The following ERG variants were observed in gnomAD, a reference collection of about 807,000 sequenced individuals.
ERG encodes ETS transcription factor ERG, also known as transcriptional regulator ERG.
Under a neutral mutation model 55.3 loss-of-function variants are expected in ERG, and 9 were observed. That is an observed-to-expected ratio of 0.16 (90% CI 0.10 to 0.28). ERG has a LOEUF of 0.28. ERG is among the 10% of genes least tolerant of loss of function. ERG has a pLI of 1.00. For synonymous variants in ERG, 223 were observed against 237.3 expected, an observed-to-expected ratio of 0.94 and a Z score of 0.55; for missense variants, 434 against 631.6, an observed-to-expected ratio of 0.69 and a Z score of 3.35.
intron 4 of ERG, 144 bp downstream of exon 4, chr21:38,403,362 C>G: frequency 2.6e-6 from 2 of 755,846 alleles, no homozygotes; most frequent in East Asian, 2.7e-5. Context: ...CATCACATAC[C>G]AAGCATGTGG....
At chr21:38,459,883 T>C (rs2059025015) in intron 1 of ERG, among the ~76,000 whole-genome samples, 1 of 152,208 alleles carries the variant, frequency 6.6e-6, no homozygotes, top group Non-Finnish European at 1.5e-5. Context: ...CAGATAATTT[T>C]TGAAAATCAA....
upstream of ERG, among the ~76,000 whole-genome samples, chr21:38,586,900 C>T (rs182041875): frequency 4.0e-3 from 602 of 152,264 alleles, no homozygotes; most frequent in Non-Finnish European, 6.5e-3. Flanking sequence ...AAGTGTCCAT[C>T]AACATAAACG....
At chr21:38,475,615 G>A (rs1368769503) in intron 1 of ERG, among the ~76,000 whole-genome samples, 2 of 152,104 alleles carry the variant, frequency 1.3e-5, no homozygotes, top group African/African-American at 4.8e-5. Flanking sequence ...CTTTTCTTTG[G>A]GTCTCTGTCT....
intron 2 of ERG, among the ~76,000 whole-genome samples, chr21:38,506,474 G>T: frequency 6.6e-6 from 1 of 152,128 alleles, no homozygotes; most frequent in Middle Eastern, 3.2e-3. Flanking sequence ...TTTGGAATAT[G>T]CATGGAGTAT....
chr21:38,524,221 T>C (rs1568881585), intron 2 of ERG, among the ~76,000 whole-genome samples: 1 of 152,204 alleles, frequency 6.6e-6, no homozygotes. Context: ...TGAGCTCACA[T>C]TTAATTACAG....
intron 1 of ERG, among the ~76,000 whole-genome samples, chr21:38,621,173 A>G (rs2060288040): frequency 6.6e-6 from 1 of 152,192 alleles, no homozygotes; most frequent in Admixed American, 6.5e-5. Flanking sequence ...TCACTTAGGA[A>G]GCAACAGACT....
At chr21:38,656,159 G>A (rs531070375) in intron 1 of ERG, among the ~76,000 whole-genome samples, 1 of 152,236 alleles carries the variant, frequency 6.6e-6, no homozygotes, top group Admixed American at 6.5e-5. Context: ...AGGGCAGAGA[G>A]GTTCAGGCTC....
chr21:38,550,382 A>G (rs2059816447), intron 2 of ERG, among the ~76,000 whole-genome samples: 1 of 152,250 alleles, frequency 6.6e-6, no homozygotes, highest in East Asian at 1.9e-4. Context: ...TGTGCCCCCA[A>G]AATTCATGGG....
At chr21:38,649,082 A>G (rs2060473583) in intron 1 of ERG, among the ~76,000 whole-genome samples, 1 of 152,190 alleles carries the variant, frequency 6.6e-6, no homozygotes, top group African/African-American at 2.4e-5. Context: ...GTTCAGCCCA[A>G]AGGAAAAAAT....
chr21:38,614,878 C>T (rs2060249637), intron 1 of ERG, among the ~76,000 whole-genome samples: 1 of 152,236 alleles, frequency 6.6e-6, no homozygotes, highest in South Asian at 2.1e-4. Context: ...GGATGAGATT[C>T]CTGGGACAGG....
In ERG at chr21:38,636,143, C is replaced by G. The variant is rs146150025; in HGVS notation, c.-150+25515G>C. Reference sequence around the variant, plus strand: ...TTTCCCCCTATTGATCAGCATTTCTCCTTCCTGCTGCCATGTGAAGAAGGA... The same window carrying G: ...TTTCCCCCTATTGATCAGCATTTCTGCTTCCTGCTGCCATGTGAAGAAGGA... On this transcript the variant is annotated intron_variant, in intron 1 of 10. Transcript: ENST00000398910. Among the ~76,000 whole-genome samples the G allele has an allele frequency of 6.1e-3, 926 of 152,314 alleles. 2 individuals are homozygous for G. The highest frequency in any genetic ancestry group is 0.011 in the Non-Finnish European group (762 of 68,036).
intron 1 of ERG, among the ~76,000 whole-genome samples, chr21:38,480,963 T>C (rs537116570): frequency 9.9e-4 from 151 of 152,290 alleles, no homozygotes; most frequent in African/African-American, 3.4e-3. Context: ...CCTGCTAACA[T>C]TTGTGGGCAA....
In ERG at chr21:38,548,655, C is replaced by T. The variant is rs573640175; in HGVS notation, c.-41+27007G>A. ...TTTTTTTTGCATTTTTAGTAAAGAC[C>T]ACGTTTGACCGTGTTAGCCAGGATG... On this transcript the variant is annotated intron_variant, in intron 2 of 8. Transcript: ENST00000398897. Among the ~76,000 whole-genome samples the T allele has an allele frequency of 9.8e-5, 14 of 142,318 alleles. No individual in the cohort carries two copies. The South Asian group carries it at 2.0e-3, about 21-fold the overall frequency. 93.4% of individuals were successfully genotyped at this position (142,318 alleles called of 152,430 possible).
chr21:38,541,701 T>C (rs2836494), intron 2 of ERG, among the ~76,000 whole-genome samples: 106,315 of 152,086 alleles, frequency 0.7, 37,606 homozygotes, highest in Non-Finnish European at 0.75. Flanking sequence ...GATAAATAAT[T>C]TGTAGTGAAT....
intron 1 of ERG, among the ~76,000 whole-genome samples, chr21:38,619,716 C>T (rs546692477): frequency 6.6e-6 from 1 of 152,370 alleles, no homozygotes; most frequent in East Asian, 1.9e-4. Flanking sequence ...ATTGCCACAC[C>T]TCAGTATACT....
chr21:38,493,562 T>C (rs1249299818), intron 1 of ERG, among the ~76,000 whole-genome samples: 2 of 152,204 alleles, frequency 1.3e-5, no homozygotes, highest in Non-Finnish European at 2.9e-5. Context: ...ACAAGATGTA[T>C]TTTTTGTAAT....
intron 1 of ERG, among the ~76,000 whole-genome samples, chr21:38,646,166 A>G (rs2060455098): frequency 6.6e-6 from 1 of 151,726 alleles, no homozygotes; most frequent in South Asian, 2.1e-4. Flanking sequence ...CTGTAATCCC[A>G]CCTACTTGGG....
chr21:38,466,718 A>T (rs1184197615), intron 1 of ERG, among the ~76,000 whole-genome samples: 1 of 152,216 alleles, frequency 6.6e-6, no homozygotes, highest in Non-Finnish European at 1.5e-5. Flanking sequence ...TGCATGAACC[A>T]ACTTTACAGA....
chr21:38,630,973 G>T (rs1383501505), intron 1 of ERG, among the ~76,000 whole-genome samples: 2 of 152,140 alleles, frequency 1.3e-5, no homozygotes, highest in Non-Finnish European at 2.9e-5. Flanking sequence ...AAGATAAAGG[G>T]TCACTTTCTT....
Sources: gnomAD v4.1 joint callset for allele counts (sites outside exome capture counted in the v4.1 genomes callset) on GRCh38, gnomAD v4.1.1 for gene constraint, MANE v1.5 for transcripts, NCBI Gene and HGNC (gene_info 2026-07-23, HGNC 2026-07-21) for gene names.